The following SDK2 variants were observed in gnomAD, a reference collection of about 807,000 sequenced individuals.
SDK2 encodes the protein protein sidekick-2.
SDK2 carries 105 observed loss-of-function variants against 253.9 expected under a neutral mutation model. The observed-to-expected ratio is 0.41, with a 90% CI of 0.35 to 0.49. SDK2 has a LOEUF of 0.49. Ranked by LOEUF, SDK2 falls within the 20% of genes least tolerant of loss-of-function variation. The pLI, the probability that SDK2 is intolerant of heterozygous loss-of-function variation, is 0.06. For synonymous variants in SDK2, 1,249 were observed against 1,234.9 expected (o/e 1.01, Z -0.24); for missense variants, 2,608 against 3,003.0 (o/e 0.87, Z 3.07).
In SDK2 at chr17:73,465,404, TGAG is replaced by T. The variant is rs1486752753; in HGVS notation, c.331+6705_331+6707del. 6.6e-6 allele frequency among the ~76,000 whole-genome samples: 1 copy of T among 151,944 alleles called. No individual in the cohort carries two copies. The highest frequency in any genetic ancestry group is 1.5e-5 in the Non-Finnish European group (1 of 67,980). ...AAGGGGTCAGGAGGTCTCACCCAGG[TGAG>T]GAGAACACAGAGGTGCCCTCAGGAC... On this transcript the variant is annotated intron_variant, in intron 3 of 44. Transcript: ENST00000392650. The surrounding 1 kb of genome is among the most constrained non-coding windows in gnomAD (Gnocchi z 4.2).
chr17:73,558,588 C>A (rs2145847649), intron 1 of SDK2, among the ~76,000 whole-genome samples: 1 of 152,344 alleles, frequency 6.6e-6, no homozygotes, highest in Non-Finnish European at 1.5e-5. Flanking sequence ...GTGAAGTTCA[C>A]AGCTCAGCAT....
chr17:73,385,740 G>A (rs1441035768), intron 32 of SDK2, 107 bp downstream of exon 32: 1 of 1,039,326 alleles, frequency 9.6e-7, no homozygotes, highest in African/African-American at 1.6e-5. Flanking sequence ...TCTGGGGGCA[G>A]AGAACTTGGG....
intron 1 of SDK2, among the ~76,000 whole-genome samples, chr17:73,619,166 CAAAA>C (rs540815987): frequency 6.6e-5 from 6 of 90,230 alleles, no homozygotes; most frequent in African/African-American, 8.8e-5. Context: ...GACCCTGTCT[CAAAA>C]AAAAAAAAAA....
intron 21 of SDK2, among the ~76,000 whole-genome samples, chr17:73,400,042 G>GT (rs1356762110): frequency 4.6e-5 from 7 of 152,238 alleles, no homozygotes; most frequent in Non-Finnish European, 1.0e-4. Context: ...CAGCATGGCT[G>GT]TAATTATCAC....
chr17:73,373,870 C>T (rs530469878), intron 36 of SDK2, among the ~76,000 whole-genome samples: 105 of 150,166 alleles, frequency 7.0e-4, no homozygotes, highest in African/African-American at 2.6e-3. Context: ...CTACTGACCT[C>T]AGGTGATCTG....
intron 2 of SDK2, among the ~76,000 whole-genome samples, chr17:73,490,591 A>G (rs2063799483): frequency 1.5e-5 from 2 of 134,834 alleles, no homozygotes; most frequent in African/African-American, 5.8e-5. Context: ...GCAGTGGGGT[A>G]ATCTCAGCTC....
At chr17:73,500,266 C>G (rs1325877740) in intron 2 of SDK2, among the ~76,000 whole-genome samples, 5 of 145,030 alleles carry the variant, frequency 3.4e-5, no homozygotes, top group African/African-American at 7.7e-5. Context: ...CTCCTTCCAT[C>G]TCCTCCATCC....
chr17:73,414,547 CA>C, intron 18 of SDK2, 96 bp downstream of exon 18: 4 of 908,568 alleles, frequency 4.4e-6, no homozygotes, highest in Non-Finnish European at 7.1e-6. Flanking sequence ...ACTTCAGAAA[CA>C]GAGGGGGGAT....
intron 1 of SDK2, among the ~76,000 whole-genome samples, chr17:73,640,342 G>C (rs890025349): frequency 2.0e-5 from 3 of 152,136 alleles, no homozygotes; most frequent in Admixed American, 6.5e-5. Context: ...TGGGGGTCCT[G>C]ACTCTGTTCC....
chr17:73,372,143 C>A (rs2062738969), intron 36 of SDK2, among the ~76,000 whole-genome samples: 1 of 152,194 alleles, frequency 6.6e-6, no homozygotes, highest in Non-Finnish European at 1.5e-5. Context: ...GCTGTCTTCA[C>A]AAACCAGGCA....
At chr17:73,391,017 G>C (rs2062923982) in intron 28 of SDK2, among the ~76,000 whole-genome samples, 2 of 152,160 alleles carry the variant, frequency 1.3e-5, no homozygotes, top group African/African-American at 4.8e-5. Flanking sequence ...CGGAACCCTG[G>C]GTGTGTGTAT....
chr17:73,578,618 T>C (rs1260855658), intron 1 of SDK2, among the ~76,000 whole-genome samples: 3 of 151,998 alleles, frequency 2.0e-5, no homozygotes, highest in African/African-American at 4.8e-5. Flanking sequence ...CAGGCCTGGG[T>C]TGGGGGCTCC....
chr17:73,413,235 G>T (rs2063154211), intron 18 of SDK2, among the ~76,000 whole-genome samples: 1 of 151,854 alleles, frequency 6.6e-6, no homozygotes, highest in African/African-American at 2.4e-5. Context: ...TGGATGTGAG[G>T]GATCTAGGTT....
chr17:73,421,229 T>C (rs1163477590), intron 15 of SDK2, among the ~76,000 whole-genome samples: 1 of 152,160 alleles, frequency 6.6e-6, no homozygotes, highest in Non-Finnish European at 1.5e-5. Flanking sequence ...CCCCTGTAAC[T>C]GCTCTCCACA....
chr17:73,553,668 C>T (rs1048082461), intron 1 of SDK2, among the ~76,000 whole-genome samples: 1 of 152,146 alleles, frequency 6.6e-6, no homozygotes, highest in African/African-American at 2.4e-5. Context: ...CTCGGGCCTA[C>T]ACCTCCTGCA....
chr17:73,366,996 A>G (rs2062690507), intron 37 of SDK2, among the ~76,000 whole-genome samples: 2 of 152,078 alleles, frequency 1.3e-5, no homozygotes, highest in African/African-American at 4.8e-5. Context: ...GCTTCCCAGC[A>G]TACTTTTTAA....
intron 1 of SDK2, among the ~76,000 whole-genome samples, chr17:73,606,760 C>T (rs543542754): frequency 1.3e-4 from 20 of 152,244 alleles, no homozygotes; most frequent in African/African-American, 4.1e-4. Flanking sequence ...TTTTCAGTTC[C>T]GAGAATGGAG....
chr17:73,369,893 C>T (rs577328289), intron 36 of SDK2, among the ~76,000 whole-genome samples: 1 of 152,304 alleles, frequency 6.6e-6, no homozygotes, highest in East Asian at 1.9e-4. Context: ...ATCCGCCCGC[C>T]TCGGCCTCCC....
rs752321254 is a variant in SDK2, at chr17:73,391,510, G to T, written c.3927C>A (p.Phe1309Leu). The change falls in exon 28 of 45, where the codon TTC (phenylalanine) becomes TTA (leucine). Residue 1309 changes from phenylalanine (F) to leucine (L), a missense_variant. This residue lies in a region of SDK2 where 1,505 missense variants were observed against 1,859.1 expected (regional missense o/e 0.81). Coordinates refer to ENST00000392650, the MANE Select transcript of SDK2 (RefSeq NM_001144952.2). Reference sequence around the variant, plus strand: ...GCACAGACGTGGTCCGCACCTCTGGGAACAGGATGCCCATGGGTGGTCCTG... The same window carrying T: ...GCACAGACGTGGTCCGCACCTCTGGTAACAGGATGCCCATGGGTGGTCCTG... ...DVPGPPMGIL[F>L]PEVRTTSVRL... The T allele has an allele frequency of 1.5e-6, 2 of 1,305,514 alleles. No homozygotes were observed. The allele number at this position is 1,305,514 out of a possible 1,614,324, so 80.9% of individuals were successfully genotyped here. A position where few individuals can be genotyped will look rare whatever the true frequency, so the allele number is the denominator to read the frequency against.
Sources: allele counts gnomAD v4.1 joint callset (sites outside exome capture counted in the v4.1 genomes callset), GRCh38; gene constraint gnomAD v4.1.1; regional missense constraint gnomAD v4.1.1; non-coding constraint Gnocchi (gnomAD v3.1); transcripts MANE v1.5; gene names NCBI Gene and HGNC (gene_info 2026-07-23, HGNC 2026-07-21).